The following MRPS6 variants were observed in gnomAD, a reference collection of about 807,000 sequenced individuals.
The protein encoded by MRPS6 is small ribosomal subunit protein bS6m.
In MRPS6, 6 loss-of-function variants were observed where a neutral mutation model predicts 13.1. That is an observed-to-expected ratio of 0.46 (90% CI 0.25 to 0.91). The LOEUF (loss-of-function observed/expected upper bound fraction) is 0.91, where lower values mean the gene tolerates loss of function less well. Among genes scored for constraint, MRPS6 ranks in the 40% least tolerant of loss-of-function variants. MRPS6 has a pLI of 0.18. For missense variants in MRPS6, 164 were observed against 155.6 expected, an observed-to-expected ratio of 1.05 and a Z score of -0.29; for synonymous variants, 61 against 56.5, an observed-to-expected ratio of 1.08 and a Z score of -0.36.
Position 34,142,558 on chromosome 21 carries a change from A to T in MRPS6, c.336A>T (p.Pro112=). 2 of 1,607,416 alleles carry T rather than the reference A, an allele frequency of 1.2e-6. No individual in the cohort carries two copies. The highest frequency in any genetic ancestry group is 1.7e-6 in the Non-Finnish European group (2 of 1,178,192). ...LKECEGIVPV[P]LAEKLYSTKK... ...AATGTGAAGGGATTGTCCCAGTCCC[A>T]CTCGCAGAAAAATTATATTCCACAA... Residue 112 remains proline, a synonymous_variant, in exon 3 of 3, where the codon CCA becomes CCT. Transcript: ENST00000399312.
At chr21:34,081,519 AC>A (rs1422951664) in intron 1 of MRPS6, among the ~76,000 whole-genome samples, 1 of 152,230 alleles carries the variant, frequency 6.6e-6, no homozygotes, top group Non-Finnish European at 1.5e-5. Flanking sequence ...AAATGAAGAT[AC>A]TGGATGTGTT....
At position 34,142,489 on chromosome 21, in the gene MRPS6, T is replaced by C. The variant is rs1299803371; in HGVS notation, c.267T>C (p.Ile89=). The C allele has an allele frequency of 1.9e-6, 3 of 1,613,418 alleles. No individual in the cohort carries two copies. The highest frequency in any genetic ancestry group is 1.7e-6 in the Non-Finnish European group (2 of 1,179,802). The change falls in exon 3 of 3, where the codon ATT becomes ATC. Residue 89 remains isoleucine, a synonymous_variant. Coordinates refer to ENST00000399312, the MANE Select transcript of MRPS6 (RefSeq NM_032476.4). ...ACTTGTCTCGAGATATAGATGTGATTAGAGGGAATATTGTCAAACACCCTC... is the reference window on the plus strand; with the variant it reads ...ACTTGTCTCGAGATATAGATGTGATCAGAGGGAATATTGTCAAACACCCTC... The part of the protein sequence containing the change: ...VEHLSRDIDV[I]RGNIVKHPLT...
intron 1 of MRPS6, chr21:34,103,539 A>G: frequency 1.0e-6 from 1 of 1,000,150 alleles, no homozygotes; most frequent in Non-Finnish European, 1.2e-6. Flanking sequence ...AACAGTTTAT[A>G]TTCCATGATA....
At chr21:34,077,228 A>G (rs1989353518) in intron 1 of MRPS6, among the ~76,000 whole-genome samples, 1 of 152,236 alleles carries the variant, frequency 6.6e-6, no homozygotes, top group Non-Finnish European at 1.5e-5. Context: ...CAATACATGA[A>G]TGGTAAAGCC....
At position 34,090,494 on chromosome 21, in the gene MRPS6, C is replaced by G. The variant is rs190312888; in HGVS notation, c.45+16749C>G. The stretch of plus-strand genomic sequence containing the variant: ...AATAGTTGATGAGACAGTTGGGAGT[C>G]TAAAATGTTTGAGAGAGCTGCATCT... On this transcript the variant is annotated intron_variant, in intron 1 of 2. Coordinates refer to ENST00000399312, the MANE Select transcript of MRPS6 (RefSeq NM_032476.4). 8.5e-5 allele frequency among the ~76,000 whole-genome samples: 13 copies of G among 152,286 alleles called. No individual in the cohort carries two copies. In the East Asian group the frequency reaches 1.3e-3, roughly 16 times the overall value.
At chr21:34,079,811 T>C (rs978573299) in intron 1 of MRPS6, among the ~76,000 whole-genome samples, 1 of 151,954 alleles carries the variant, frequency 6.6e-6, no homozygotes, top group East Asian at 1.9e-4. Context: ...CTCTGGCATT[T>C]TCTGTTCTCT....
intron 1 of MRPS6, among the ~76,000 whole-genome samples, chr21:34,092,004 TA>T (rs766848192): frequency 3.9e-5 from 6 of 152,122 alleles, no homozygotes; most frequent in Non-Finnish European, 7.4e-5. Flanking sequence ...AAATACAAGT[TA>T]AAAAGCCTCA....
chr21:34,127,734 A>G (rs1980358359), intron 2 of MRPS6, among the ~76,000 whole-genome samples: 1 of 152,232 alleles, frequency 6.6e-6, no homozygotes. Flanking sequence ...TAACCATGGC[A>G]GTACCAGGTA....
chr21:34,104,514 T>C, intron 1 of MRPS6: 2 of 998,242 alleles, frequency 2.0e-6, no homozygotes, highest in Non-Finnish European at 1.2e-6. Flanking sequence ...ATTATCCTTT[T>C]AGGGAAAGAC....
chr21:34,097,271 T>C, intron 1 of MRPS6: 2 of 1,613,924 alleles, frequency 1.2e-6, no homozygotes, highest in East Asian at 2.2e-5. Flanking sequence ...TAGAAGAGAC[T>C]CGGCAAGTTA....
chr21:34,100,913 G>T, intron 1 of MRPS6: 8 of 1,000,140 alleles, frequency 8.0e-6, no homozygotes, highest in Non-Finnish European at 9.6e-6. Flanking sequence ...GGTCTTCCCT[G>T]TTCCTGCTTG....
intron 1 of MRPS6, among the ~76,000 whole-genome samples, chr21:34,119,107 C>T (rs1245100385): frequency 2.0e-5 from 3 of 152,084 alleles, no homozygotes; most frequent in African/African-American, 7.2e-5. Flanking sequence ...TCCTTAATTA[C>T]CTAGAGGACT....
rs1320954098 is a variant in MRPS6 at position 34,096,761 on chromosome 21, C to T, written c.45+23016C>T. 25 of 1,614,032 alleles carry T rather than the reference C, an allele frequency of 1.5e-5. No homozygotes were observed. Among genetic ancestry groups the T allele is most frequent in the Non-Finnish European group, 2.0e-5 (24 of 1,179,990 alleles). On this transcript the variant is annotated intron_variant, in intron 1 of 2. Coordinates refer to ENST00000399312, the MANE Select transcript of MRPS6 (RefSeq NM_032476.4). This position sits in a 1 kb window ranked among gnomAD's most constrained non-coding sequence, Gnocchi z 5.9. ...ATGTGGCCACAGGATTGTTTTGGGTCACGGGACTCATTACTGTAATTGTGA... is the reference window on the plus strand; with the variant it reads ...ATGTGGCCACAGGATTGTTTTGGGTTACGGGACTCATTACTGTAATTGTGA...
intron 1 of MRPS6, chr21:34,098,659 A>G: frequency 2.0e-6 from 2 of 1,000,222 alleles, no homozygotes; most frequent in Non-Finnish European, 2.4e-6. Flanking sequence ...CCAAACAAGA[A>G]CTTTTGGGGT....
intron 1 of MRPS6, among the ~76,000 whole-genome samples, chr21:34,110,968 TAAAC>T (rs1979673525): frequency 6.6e-6 from 1 of 152,158 alleles, no homozygotes; most frequent in Non-Finnish European, 1.5e-5. Context: ...GGAGCCATTT[TAAAC>T]AACGAAATGA....
At chr21:34,135,159 A>C (rs984397557) in intron 2 of MRPS6, among the ~76,000 whole-genome samples, 1 of 151,956 alleles carries the variant, frequency 6.6e-6, no homozygotes, top group African/African-American at 2.4e-5. Flanking sequence ...TGTAGTGAAT[A>C]TTTGTTTTTT....
At chr21:34,130,389 G>T (rs1363606478) in intron 2 of MRPS6, among the ~76,000 whole-genome samples, 1 of 152,210 alleles carries the variant, frequency 6.6e-6, no homozygotes, top group Non-Finnish European at 1.5e-5. Flanking sequence ...AGTCTGCATG[G>T]TGACTGAATG....
intron 1 of MRPS6, among the ~76,000 whole-genome samples, chr21:34,121,790 G>A (rs548194370): frequency 3.3e-5 from 5 of 152,296 alleles, no homozygotes; most frequent in East Asian, 3.9e-4. Context: ...CCCTCTAAGC[G>A]TAAGAATTTT....
chr21:34,106,491 C>G (rs1053974409), intron 1 of MRPS6, among the ~76,000 whole-genome samples: 1 of 152,074 alleles, frequency 6.6e-6, no homozygotes, highest in Admixed American at 6.6e-5. Flanking sequence ...TTAAAATATT[C>G]TTAATTTTTT....
Sources: gnomAD v4.1 joint callset for allele counts (sites outside exome capture counted in the v4.1 genomes callset) on GRCh38, gnomAD v4.1.1 for gene constraint, Gnocchi (gnomAD v3.1) non-coding constraint, MANE v1.5 for transcripts, NCBI Gene and HGNC (gene_info 2026-07-23, HGNC 2026-07-21) for gene names.